SLC6A5: variants seen among roughly 807,000 people sequenced by gnomAD.
SLC6A5 encodes sodium- and chloride-dependent glycine transporter 2.
Under a neutral mutation model 90.5 loss-of-function variants are expected in SLC6A5, and 58 were observed. That is an observed-to-expected ratio of 0.64 (90% CI 0.52 to 0.80). SLC6A5 has a LOEUF of 0.80. Ranked by LOEUF, SLC6A5 falls within the 30% of genes least tolerant of loss-of-function variation. The probability of loss-of-function intolerance (pLI) is 0.00; values close to 1 mark genes in which losing one functional copy is unlikely to be tolerated. For synonymous variants in SLC6A5, 427 were observed against 401.4 expected, an observed-to-expected ratio of 1.06 and a Z score of -0.76; for missense variants, 1,015 against 1,017.6, an observed-to-expected ratio of 1.00 and a Z score of 0.03.
At chr11:20,646,573 T>C (rs916021673) in intron 13 of SLC6A5, among the ~76,000 whole-genome samples, 2 of 152,220 alleles carry the variant, frequency 1.3e-5, no homozygotes, top group African/African-American at 4.8e-5. Context: ...CTGAACTTTT[T>C]AGATGTCACT....
intron 3 of SLC6A5, 73 bp downstream of exon 3, chr11:20,604,497 C>T: frequency 6.4e-7 from 1 of 1,571,912 alleles, no homozygotes; most frequent in Non-Finnish European, 8.7e-7. Flanking sequence ...GACAGGAGCC[C>T]TCAGGCAGGG....
Position 20,618,574 on chromosome 11 carries a change from C to A in SLC6A5, c.1260+690C>A, listed in dbSNP as rs140008719. On this transcript the variant is annotated intron_variant, in intron 7 of 15. Coordinates refer to ENST00000525748, the MANE Select transcript of SLC6A5 (RefSeq NM_004211.5). ...CACAGAAAGAGAGGAGCCCATCGAA[C>A]CTCAGGCCACAGTGGGCATTGTTGT... Among the ~76,000 whole-genome samples the A allele has an allele frequency of 1.5e-3, 233 of 152,274 alleles. 1 individual carries two copies. Among genetic ancestry groups the A allele is most frequent in the African/African-American group, 5.4e-3 (224 of 41,554 alleles).
chr11:20,614,922 A>T, intron 6 of SLC6A5, 102 bp downstream of exon 6: 1 of 1,134,732 alleles, frequency 8.8e-7, no homozygotes, highest in South Asian at 1.2e-5. Flanking sequence ...CCAAGGGATG[A>T]GATCAGAGAG....
At position 20,658,859 on chromosome 11, in the gene SLC6A5, G is replaced by A. The variant is rs904389212; in HGVS notation, c.*3991G>A. 1.1e-4 allele frequency: 16 copies of A among 151,968 alleles called. No homozygotes were observed. The highest frequency in any genetic ancestry group is 2.9e-4 in the African/African-American group (12 of 41,360). The allele number at this position is 151,968 out of a possible 1,614,324, so 9.4% of individuals were successfully genotyped here. Reference sequence around the variant, plus strand: ...AAACTGTTTTGTCTCTCATTTGTTTGTGGTTTTTGCACTTTATTATGGACC... The same window carrying A: ...AAACTGTTTTGTCTCTCATTTGTTTATGGTTTTTGCACTTTATTATGGACC... On this transcript the variant is annotated 3_prime_UTR_variant, in exon 16 of 16. Coordinates refer to ENST00000525748, the MANE Select transcript of SLC6A5 (RefSeq NM_004211.5).
intron 12 of SLC6A5, 132 bp downstream of exon 12, chr11:20,637,435 C>T (rs1780704726): frequency 2.5e-6 from 2 of 793,998 alleles, no homozygotes; most frequent in African/African-American, 1.7e-5. Flanking sequence ...ATGTAGATGG[C>T]ACCAGTTCAT....
intron 13 of SLC6A5, among the ~76,000 whole-genome samples, chr11:20,640,057 T>G (rs553065483): frequency 6.6e-6 from 1 of 152,192 alleles, no homozygotes; most frequent in African/African-American, 2.4e-5. Flanking sequence ...CAGCGTATCT[T>G]AACTTTGTGC....
chr11:20,640,019 A>AG (rs1565286544), intron 13 of SLC6A5, among the ~76,000 whole-genome samples: 2 of 152,196 alleles, frequency 1.3e-5, no homozygotes, highest in Non-Finnish European at 2.9e-5. Context: ...TTGAGCAGAG[A>AG]GTGGTAGAAA....
At position 20,618,945 on chromosome 11, in the gene SLC6A5, GACACACAC is replaced by G. The variant is rs68111718; in HGVS notation, c.1260+1089_1260+1096del. Among the ~76,000 whole-genome samples, 759 of 148,760 alleles carry G rather than the reference GACACACAC, an allele frequency of 5.1e-3. 5 individuals carry two copies. Among genetic ancestry groups the G allele is most frequent in the African/African-American group, 0.017 (689 of 40,540 alleles). On this transcript the variant is annotated intron_variant, in intron 7 of 15. Transcript: ENST00000525748. Reference sequence around the variant, plus strand: ...GACAGAGTGAGATCCTGTCCCGCCCGACACACACACACACACACACACACACACACACA... The same window carrying G: ...GACAGAGTGAGATCCTGTCCCGCCCGACACACACACACACACACACACACA...
intron 2 of SLC6A5, among the ~76,000 whole-genome samples, 157 bp downstream of exon 2, chr11:20,601,822 G>T (rs1852486864): frequency 6.6e-6 from 1 of 152,214 alleles, no homozygotes; most frequent in African/African-American, 2.4e-5. Flanking sequence ...TCGGAAGCTC[G>T]CACTGCGCTG....
chr11:20,627,211 T>C lies in SLC6A5; in HGVS notation c.1395+369T>C, dbSNP rs1853014760. On this transcript the variant is annotated intron_variant, in intron 8 of 15. Transcript: ENST00000525748. The stretch of plus-strand genomic sequence containing the variant: ...GTGTAAACCACAAGCGATTCTATTT[T>C]AAAAATATTTTTACCTGAACCCTTT... 2.0e-5 allele frequency among the ~76,000 whole-genome samples: 3 copies of C among 152,344 alleles called. No individual in the cohort carries two copies. In the South Asian group the frequency reaches 6.2e-4, roughly 32 times the overall value.
rs1289334917 is a variant in SLC6A5, at chr11:20,605,595, A to G, written c.679+1171A>G. ...GCCAGGATGCTACAACAGGGCTTCC[A>G]GTGACTAGAAGGGGAGTGGGTTATC... On this transcript the variant is annotated intron_variant, in intron 3 of 15. Transcript: ENST00000525748. 1.6e-4 allele frequency among the ~76,000 whole-genome samples: 24 copies of G among 152,210 alleles called. 1 individual carries two copies. The highest frequency in any genetic ancestry group is 1.6e-3 in the Admixed American group (24 of 15,288).
At chr11:20,612,264 G>A (rs1852708822) in intron 5 of SLC6A5, among the ~76,000 whole-genome samples, 2 of 152,188 alleles carry the variant, frequency 1.3e-5, no homozygotes, top group African/African-American at 4.8e-5. Flanking sequence ...TGATGATTGA[G>A]TTATGGCTAA....
At chr11:20,630,403 G>A (rs1853086030) in intron 9 of SLC6A5, among the ~76,000 whole-genome samples, 1 of 152,234 alleles carries the variant, frequency 6.6e-6, no homozygotes, top group Admixed American at 6.5e-5. Context: ...ATGAATTTGA[G>A]ATGGGGGGAT....
intron 7 of SLC6A5, 85 bp from the exon 8 acceptor site, chr11:20,626,623 C>T: frequency 1.4e-6 from 2 of 1,447,534 alleles, no homozygotes; most frequent in Non-Finnish European, 1.9e-6. Flanking sequence ...TGCGCAGCCC[C>T]ACTCTTCCCC....
intron 14 of SLC6A5, among the ~76,000 whole-genome samples, chr11:20,648,011 C>T (rs1334299397): frequency 6.6e-6 from 1 of 152,098 alleles, no homozygotes; most frequent in African/African-American, 2.4e-5. Flanking sequence ...CTCATTTTGT[C>T]ACCTTTGTTA....
In SLC6A5 at chr11:20,617,497, A is replaced by G. The variant is rs16906564; in HGVS notation, c.1128-255A>G. On this transcript the variant is annotated intron_variant, in intron 6 of 15. Coordinates refer to ENST00000525748, the MANE Select transcript of SLC6A5 (RefSeq NM_004211.5). ...CTTGTCCTGAAGCCTGCCCAGGGCC[A>G]TGAGCAGCCTCCCAGCACGTAATCA... is the stretch of plus-strand genomic sequence containing the variant. 0.094 allele frequency among the ~76,000 whole-genome samples: 14,344 copies of G among 152,218 alleles called. 1,579 individuals carry two copies. The highest frequency in any genetic ancestry group is 0.36 in the East Asian group (1,862 of 5,148).
intron 13 of SLC6A5, 39 bp from the exon 14 acceptor site, chr11:20,646,795 A>G (rs1228559541): frequency 1.4e-6 from 2 of 1,406,252 alleles, no homozygotes; most frequent in South Asian, 2.3e-5. Context: ...CCTTCCTGCT[A>G]CTGTGCCTTA....
At chr11:20,633,112 G>C (rs191987935) in intron 10 of SLC6A5, among the ~76,000 whole-genome samples, 1 of 151,992 alleles carries the variant, frequency 6.6e-6, no homozygotes, top group African/African-American at 2.4e-5. Context: ...GAGCCATCTC[G>C]CCACCATATG....
chr11:20,635,326 C>T (rs1014663798), intron 10 of SLC6A5, among the ~76,000 whole-genome samples: 3 of 152,084 alleles, frequency 2.0e-5, no homozygotes, highest in African/African-American at 2.4e-5. Context: ...TGGTAAGTCA[C>T]GGAATCTGGA....
Sources: gnomAD v4.1 joint callset for allele counts (sites outside exome capture counted in the v4.1 genomes callset) on GRCh38, gnomAD v4.1.1 for gene constraint, MANE v1.5 for transcripts, NCBI Gene and HGNC (gene_info 2026-07-23, HGNC 2026-07-21) for gene names.